The following LRRC4C variants were observed in gnomAD, a reference collection of about 807,000 sequenced individuals.
The protein encoded by LRRC4C is leucine rich repeat containing 4C, also known as leucine-rich repeat-containing protein 4C.
LRRC4C carries 5 observed loss-of-function variants against 33.6 expected under a neutral mutation model. The ratio of observed to expected loss-of-function variants is 0.15; its 90% CI spans 0.08 to 0.31. The LOEUF (loss-of-function observed/expected upper bound fraction) is 0.31. LRRC4C is among the 10% of genes least tolerant of loss of function. The pLI is 1.00. For missense variants in LRRC4C, 560 were observed against 796.7 expected, an observed-to-expected ratio of 0.70 and a Z score of 3.58; for synonymous variants, 329 against 302.0, an observed-to-expected ratio of 1.09 and a Z score of -0.93.
chr11:40,413,337 C>A (rs138129683), intron 3 of LRRC4C, among the ~76,000 whole-genome samples: 1 of 151,982 alleles, frequency 6.6e-6, no homozygotes, highest in Non-Finnish European at 1.5e-5. Context: ...ACCTTACACT[C>A]GGCCAAATGG....
chr11:40,406,282 T>C (rs1257694694), intron 3 of LRRC4C, among the ~76,000 whole-genome samples: 1 of 152,164 alleles, frequency 6.6e-6, no homozygotes, highest in Non-Finnish European at 1.5e-5. Context: ...TTAATATTTC[T>C]TCTATAAAGA....
At chr11:40,357,360 T>C (rs975092204) in intron 3 of LRRC4C, among the ~76,000 whole-genome samples, 3 of 152,170 alleles carry the variant, frequency 2.0e-5, no homozygotes, top group African/African-American at 7.2e-5. Flanking sequence ...CATTAGGAGA[T>C]ACACAAGGGT....
At chr11:40,774,740 T>G (rs570010426) in intron 2 of LRRC4C, among the ~76,000 whole-genome samples, 1 of 152,280 alleles carries the variant, frequency 6.6e-6, no homozygotes, top group African/African-American at 2.4e-5. Context: ...ACTATTGATG[T>G]GCATTTTTGT....
intron 2 of LRRC4C, among the ~76,000 whole-genome samples, chr11:40,906,665 C>T (rs142313100): frequency 6.6e-6 from 1 of 152,076 alleles, no homozygotes; most frequent in Non-Finnish European, 1.5e-5. Flanking sequence ...GGAACTGAAC[C>T]TCCAATATGT....
chr11:40,338,435 T>G (rs1289328661), intron 3 of LRRC4C, among the ~76,000 whole-genome samples: 1 of 152,192 alleles, frequency 6.6e-6, no homozygotes, highest in Non-Finnish European at 1.5e-5. Context: ...TACAGAAGTC[T>G]TTCCTCTTTT....
chr11:40,850,026 C>T (rs1953403291), intron 2 of LRRC4C, among the ~76,000 whole-genome samples: 1 of 151,836 alleles, frequency 6.6e-6, no homozygotes, highest in Non-Finnish European at 1.5e-5. Context: ...GTTAGAAATT[C>T]CTCTAACCTT....
intron 2 of LRRC4C, among the ~76,000 whole-genome samples, chr11:40,843,189 C>T (rs1168525554): frequency 6.6e-6 from 1 of 152,090 alleles, no homozygotes; most frequent in Non-Finnish European, 1.5e-5. Flanking sequence ...TCTATTTACT[C>T]CCATTAAGGG....
intron 3 of LRRC4C, among the ~76,000 whole-genome samples, chr11:40,646,321 A>G (rs1296775009): frequency 1.3e-5 from 2 of 152,220 alleles, no homozygotes; most frequent in African/African-American, 2.4e-5. Context: ...TAGAGTTGCA[A>G]AAAGTTTAAA....
chr11:41,140,473 T>TCCTC, intron 1 of LRRC4C, among the ~76,000 whole-genome samples: 1 of 131,134 alleles, frequency 7.6e-6, no homozygotes, highest in East Asian at 2.1e-4. Context: ...GTTAAGATTC[T>TCCTC]CCTCCTTCCC....
chr11:40,269,780 A>T (rs1486909683), intron 4 of LRRC4C, among the ~76,000 whole-genome samples: 2 of 149,074 alleles, frequency 1.3e-5, no homozygotes, highest in Non-Finnish European at 3.0e-5. Flanking sequence ...CAAGAGTAAA[A>T]ATCCCTTAAT....
Position 40,396,899 on chromosome 11 carries a change from T to C in LRRC4C, c.-269-77178A>G, listed in dbSNP as rs147055891. On this transcript the variant is annotated intron_variant, in intron 3 of 6. Coordinates refer to ENST00000528697, the MANE Select transcript of LRRC4C (RefSeq NM_001258419.2). The stretch of plus-strand genomic sequence containing the variant: ...CCAGGAGGGCATTCTGTTTGAGTTA[T>C]AATGCATCTTAACGTTCTCTATAAT... Among the ~76,000 whole-genome samples the C allele has an allele frequency of 9.5e-4, 145 of 152,226 alleles. No homozygotes were observed. In the Middle Eastern group the frequency reaches 0.01, roughly 11 times the overall value.
chr11:40,558,374 G>A (rs1263280522), intron 3 of LRRC4C, among the ~76,000 whole-genome samples: 1 of 152,152 alleles, frequency 6.6e-6, no homozygotes, highest in Non-Finnish European at 1.5e-5. Context: ...AAAGTGTGTT[G>A]TTTCATTTAG....
chr11:41,179,205 A>G (rs1202444874), intron 1 of LRRC4C, among the ~76,000 whole-genome samples: 2 of 148,732 alleles, frequency 1.3e-5, no homozygotes, highest in Admixed American at 6.7e-5. Context: ...TTTTTTTAAG[A>G]TATCTGTGGT....
At chr11:41,028,979 T>C (rs1298586752) in intron 1 of LRRC4C, among the ~76,000 whole-genome samples, 1 of 151,790 alleles carries the variant, frequency 6.6e-6, no homozygotes, top group Non-Finnish European at 1.5e-5. Context: ...TATATGTATA[T>C]ACATTCACGT....
At chr11:40,339,487 A>G (rs75903601) in intron 3 of LRRC4C, among the ~76,000 whole-genome samples, 2,686 of 152,320 alleles carry the variant, frequency 0.018, 68 homozygotes, top group African/African-American at 0.058. Flanking sequence ...ATTTCAGAAT[A>G]TAAGTCTGGG....
At chr11:40,619,245 ATAACT>A (rs1962191857) in intron 3 of LRRC4C, among the ~76,000 whole-genome samples, 1 of 151,780 alleles carries the variant, frequency 6.6e-6, no homozygotes, top group Admixed American at 6.6e-5. Context: ...ATAGTCAATA[ATAACT>A]TTATTTTATA....
intron 1 of LRRC4C, among the ~76,000 whole-genome samples, chr11:41,152,578 A>C (rs1039112954): frequency 6.6e-6 from 1 of 152,184 alleles, no homozygotes. Flanking sequence ...AAAAGCTATA[A>C]AAGTCATTTA....
intron 2 of LRRC4C, among the ~76,000 whole-genome samples, chr11:40,928,373 T>G (rs1957480636): frequency 6.6e-6 from 1 of 151,822 alleles, no homozygotes; most frequent in East Asian, 1.9e-4. Flanking sequence ...TGCATTTAAT[T>G]GAGGCACATC....
At chr11:40,719,642 T>C (rs1946910405) in intron 2 of LRRC4C, among the ~76,000 whole-genome samples, 2 of 152,204 alleles carry the variant, frequency 1.3e-5, no homozygotes, top group Admixed American at 6.5e-5. Flanking sequence ...AAAATTATGT[T>C]TGTCTATGCA....
Sources: allele counts gnomAD v4.1 joint callset (sites outside exome capture counted in the v4.1 genomes callset), GRCh38; gene constraint gnomAD v4.1.1; transcripts MANE v1.5; gene names NCBI Gene and HGNC (gene_info 2026-07-23, HGNC 2026-07-21).